The following SRGAP2B variants were observed in gnomAD, a reference collection of about 807,000 sequenced individuals.
SRGAP2B encodes the protein SLIT-ROBO Rho GTPase activating protein 2B.
SRGAP2B carries 9 observed loss-of-function variants against 22.2 expected under a neutral mutation model. The ratio of observed to expected loss-of-function variants is 0.41; its 90% CI spans 0.24 to 0.71. The LOEUF (loss-of-function observed/expected upper bound fraction) is 0.71, where lower values mean the gene tolerates loss of function less well. Among genes scored for constraint, SRGAP2B ranks in the 30% least tolerant of loss-of-function variants. The probability of loss-of-function intolerance (pLI) is 0.35; values close to 1 mark genes in which losing one functional copy is unlikely to be tolerated. For synonymous variants in SRGAP2B, 36 were observed against 87.4 expected (o/e 0.41, Z 3.28); for missense variants, 114 against 235.8 (o/e 0.48, Z 3.38).
At position 144,983,063 on chromosome 1, in the gene SRGAP2B, C is replaced by T. The variant is rs1371920315; in HGVS notation, c.260+11945G>A. Among the ~76,000 whole-genome samples the T allele has an allele frequency of 2.0e-4, 30 of 148,766 alleles. 1 individual carries two copies. Among genetic ancestry groups the T allele is most frequent in the African/African-American group, 7.0e-4 (27 of 38,360 alleles). On this transcript the variant is annotated intron_variant, in intron 3 of 9. Coordinates refer to ENST00000612199, the Ensembl canonical transcript of SRGAP2B. ...CTTTCCTGAGGGAACAAACAGCTCC[C>T]AAATATGTCCAAAATGAGTGAGTGA...
chr1:145,016,853 T>TG (rs1672456678), intron 2 of SRGAP2B, among the ~76,000 whole-genome samples: 1 of 150,792 alleles, frequency 6.6e-6, no homozygotes, highest in African/African-American at 2.5e-5. Flanking sequence ...TTTTTTTTTT[T>TG]TTGTTTTTTT....
chr1:144,990,571 C>T (rs1158749397), intron 3 of SRGAP2B, among the ~76,000 whole-genome samples: 20 of 136,104 alleles, frequency 1.5e-4, no homozygotes, highest in Non-Finnish European at 2.6e-4. Flanking sequence ...CTTCAGCCTC[C>T]CCCCTGCACT....
At chr1:145,003,074 A>G (rs1671320083) in intron 2 of SRGAP2B, among the ~76,000 whole-genome samples, 2 of 151,228 alleles carry the variant, frequency 1.3e-5, no homozygotes, top group East Asian at 1.9e-4. Context: ...TAAAGATACA[A>G]AAAATTAGCC....
At chr1:145,031,865 A>G (rs1435377158) in intron 2 of SRGAP2B, among the ~76,000 whole-genome samples, 2 of 142,176 alleles carry the variant, frequency 1.4e-5, no homozygotes, top group African/African-American at 2.7e-5. Context: ...AAAAAAAAAA[A>G]AAGTAAGTTT....
At chr1:145,093,951 GAT>G (rs1654210480) in intron 1 of SRGAP2B, among the ~76,000 whole-genome samples, 1 of 149,510 alleles carries the variant, frequency 6.7e-6, no homozygotes, top group Admixed American at 6.6e-5. Context: ...GCAAAATGTT[GAT>G]GGGGGGGCGG....
intron 2 of SRGAP2B, among the ~76,000 whole-genome samples, chr1:145,051,164 A>C (rs1650142908): frequency 8.0e-6 from 1 of 124,622 alleles, no homozygotes; most frequent in Non-Finnish European, 1.6e-5. Flanking sequence ...GTTTGAGATC[A>C]AATTACATTG....
At chr1:144,924,415 A>C (rs1463216853) in intron 4 of SRGAP2B, among the ~76,000 whole-genome samples, 1 of 146,458 alleles carries the variant, frequency 6.8e-6, no homozygotes, top group Non-Finnish European at 1.5e-5. Context: ...TTCAGGTTTA[A>C]ACTTTGTAAA....
At chr1:145,089,065 G>A (rs587706483) in intron 2 of SRGAP2B, among the ~76,000 whole-genome samples, 21 of 151,242 alleles carry the variant, frequency 1.4e-4, no homozygotes, top group African/African-American at 5.1e-4. Flanking sequence ...AAGGATGTGT[G>A]TACATAGGTT....
At chr1:145,039,594 C>T (rs1248142994) in intron 2 of SRGAP2B, among the ~76,000 whole-genome samples, 1 of 85,584 alleles carries the variant, frequency 1.2e-5, no homozygotes, top group African/African-American at 4.3e-5. Flanking sequence ...CCCCAGTCAA[C>T]CCAACTAAGA....
At chr1:145,008,853 A>C (rs1671799394) in intron 2 of SRGAP2B, among the ~76,000 whole-genome samples, 1 of 145,686 alleles carries the variant, frequency 6.9e-6, no homozygotes, top group Non-Finnish European at 1.5e-5. Flanking sequence ...TTAAGTTTAA[A>C]AAAACAAAAC....
At chr1:144,952,837 G>T (rs1666983766) in intron 4 of SRGAP2B, among the ~76,000 whole-genome samples, 1 of 150,652 alleles carries the variant, frequency 6.6e-6, no homozygotes, top group Admixed American at 6.6e-5. Flanking sequence ...ACAAGGTCTT[G>T]TTATGTTGTC....
chr1:144,966,295 G>C (rs1471813702), intron 3 of SRGAP2B, among the ~76,000 whole-genome samples: 2 of 149,864 alleles, frequency 1.3e-5, no homozygotes, highest in Non-Finnish European at 2.9e-5. Context: ...CAAATCTCTC[G>C]GCAGAAACCC....
chr1:145,088,720 G>A (rs1553635860), intron 2 of SRGAP2B, among the ~76,000 whole-genome samples: 1 of 140,738 alleles, frequency 7.1e-6, no homozygotes, highest in East Asian at 2.1e-4. Flanking sequence ...TGGTAACCAT[G>A]CCCTGCACCT....
At chr1:145,041,097 A>G (rs4844862) in intron 2 of SRGAP2B, among the ~76,000 whole-genome samples, 6 of 118,868 alleles carry the variant, frequency 5.0e-5, no homozygotes, top group South Asian at 2.6e-4. Flanking sequence ...ATATATATAT[A>G]TATATATATA....
At chr1:144,998,939 C>T (rs1207836445) in intron 2 of SRGAP2B, among the ~76,000 whole-genome samples, 2 of 151,056 alleles carry the variant, frequency 1.3e-5, no homozygotes, top group Admixed American at 6.6e-5. Context: ...ACCAGCACTC[C>T]TGGGCCATGT....
intron 5 of SRGAP2B, among the ~76,000 whole-genome samples, chr1:144,912,387 A>G (rs1287982873): frequency 6.6e-6 from 1 of 150,444 alleles, no homozygotes; most frequent in Non-Finnish European, 1.5e-5. Context: ...TGCAGACACT[A>G]AGGTCATAGA....
At chr1:145,082,117 G>C (rs1652992202) in intron 2 of SRGAP2B, among the ~76,000 whole-genome samples, 1 of 147,612 alleles carries the variant, frequency 6.8e-6, no homozygotes, top group African/African-American at 2.6e-5. Flanking sequence ...CTTCCTAAAG[G>C]ATGATATCCT....
intron 3 of SRGAP2B, among the ~76,000 whole-genome samples, chr1:144,974,173 G>GT (rs1283381619): frequency 6.8e-6 from 1 of 147,356 alleles, no homozygotes; most frequent in Non-Finnish European, 1.5e-5. Flanking sequence ...GAGAATAAAG[G>GT]TTTTAAAAAC....
At chr1:145,007,802 CTTTTTTTTTTTTT>C (rs880001624) in intron 2 of SRGAP2B, among the ~76,000 whole-genome samples, 1 of 101,204 alleles carries the variant, frequency 9.9e-6, no homozygotes, top group Non-Finnish European at 2.0e-5. Flanking sequence ...ATTTCTTCTT[CTTTTTTTTTTTTT>C]TTTTTTTTTG....
Sources: gnomAD v4.1 joint callset for allele counts (sites outside exome capture counted in the v4.1 genomes callset) on GRCh38, gnomAD v4.1.1 for gene constraint, MANE v1.5 for transcripts, NCBI Gene and HGNC (gene_info 2026-07-23, HGNC 2026-07-21) for gene names.